Variants in FMN1 observed in about 807,000 individuals in gnomAD.
The protein encoded by FMN1 is formin 1, also known as formin-1.
FMN1 carries 110 observed loss-of-function variants against 132.4 expected under a neutral mutation model. That is an observed-to-expected ratio of 0.83 (90% CI 0.71 to 0.97). The LOEUF (loss-of-function observed/expected upper bound fraction) is 0.97, where lower values mean the gene tolerates loss of function less well. Ranked by LOEUF, FMN1 falls within the 50% of genes least tolerant of loss-of-function variation. FMN1 has a pLI of 0.00. For synonymous variants in FMN1, 722 were observed against 651.7 expected (o/e 1.11, Z -1.64); for missense variants, 1,792 against 1,705.3 (o/e 1.05, Z -0.90).
At chr15:33,128,516 A>T (rs1305902692) in intron 4 of FMN1, among the ~76,000 whole-genome samples, 1 of 152,266 alleles carries the variant, frequency 6.6e-6, no homozygotes, top group African/African-American at 2.4e-5. Flanking sequence ...TACACTGAGA[A>T]TGAAACAGCG....
intron 19 of FMN1, among the ~76,000 whole-genome samples, chr15:32,792,253 C>A (rs2057107748): frequency 7.2e-6 from 1 of 138,018 alleles, no homozygotes; most frequent in Non-Finnish European, 1.5e-5. Flanking sequence ...TCCTGGCTAA[C>A]ACAGTGAAAC....
intron 3 of FMN1, among the ~76,000 whole-genome samples, chr15:33,169,858 G>A (rs1965251888): frequency 7.6e-6 from 1 of 132,364 alleles, no homozygotes; most frequent in Non-Finnish European, 1.5e-5. Context: ...TTATTCTTTT[G>A]TCATCAGATT....
intron 3 of FMN1, among the ~76,000 whole-genome samples, chr15:33,164,733 A>G (rs1392262749): frequency 6.6e-6 from 1 of 152,202 alleles, no homozygotes; most frequent in East Asian, 1.9e-4. Context: ...TAACATCATC[A>G]TCTACAGGAG....
chr15:32,967,755 GGTT>G (rs1435561070), intron 8 of FMN1, among the ~76,000 whole-genome samples: 26 of 152,168 alleles, frequency 1.7e-4, no homozygotes, highest in Middle Eastern at 3.2e-3. Flanking sequence ...AGGGATTTCT[GGTT>G]GTTTTATCAT....
At chr15:32,938,406 G>GT (rs1567429280) in intron 9 of FMN1, among the ~76,000 whole-genome samples, 1 of 152,070 alleles carries the variant, frequency 6.6e-6, no homozygotes, top group African/African-American at 2.4e-5. Flanking sequence ...GCACACTCCC[G>GT]TAATCCCAGC....
At chr15:33,007,362 A>C (rs962371301) in intron 7 of FMN1, among the ~76,000 whole-genome samples, 3 of 152,166 alleles carry the variant, frequency 2.0e-5, no homozygotes, top group African/African-American at 7.2e-5. Context: ...TCAGTGCCTG[A>C]TTCAGTATCC....
At chr15:32,945,148 A>G (rs1009543287) in intron 9 of FMN1, among the ~76,000 whole-genome samples, 21 of 152,148 alleles carry the variant, frequency 1.4e-4, no homozygotes, top group African/African-American at 4.8e-4. Flanking sequence ...GTCCATGGAC[A>G]TTTTGAGGGG....
At chr15:32,918,599 C>A (rs113064326) in intron 10 of FMN1, among the ~76,000 whole-genome samples, 40 of 152,290 alleles carry the variant, frequency 2.6e-4, no homozygotes, top group African/African-American at 9.4e-4. Flanking sequence ...CTTTTACAGG[C>A]GCAATTAAGA....
At chr15:33,155,710 G>A (rs1163526131) in intron 3 of FMN1, among the ~76,000 whole-genome samples, 2 of 151,266 alleles carry the variant, frequency 1.3e-5, no homozygotes, top group East Asian at 3.9e-4. Flanking sequence ...TTTCCTTCCT[G>A]TTGTCTATTC....
chr15:32,839,688 A>T (rs2058703531), intron 17 of FMN1, among the ~76,000 whole-genome samples: 1 of 151,970 alleles, frequency 6.6e-6, no homozygotes, highest in African/African-American at 2.4e-5. Context: ...TGCACCCATC[A>T]GTGTCCTGGA....
intron 10 of FMN1, among the ~76,000 whole-genome samples, chr15:32,919,998 G>A (rs1043068790): frequency 5.3e-5 from 8 of 152,128 alleles, no homozygotes; most frequent in African/African-American, 1.9e-4. Flanking sequence ...TCAAACTGAC[G>A]TTCTGAACTA....
At chr15:33,054,062 T>C (rs2037104953) in intron 6 of FMN1, among the ~76,000 whole-genome samples, 1 of 152,166 alleles carries the variant, frequency 6.6e-6, no homozygotes, top group Admixed American at 6.5e-5. Flanking sequence ...CTAACGAAGA[T>C]GTGAACCTTC....
chr15:33,150,895 G>A (rs868669302), intron 4 of FMN1: 1 of 1,010,674 alleles, frequency 9.9e-7, no homozygotes, highest in African/African-American at 1.7e-5. Context: ...GTAGTGTGAT[G>A]GTAAATGAAT....
intron 6 of FMN1, among the ~76,000 whole-genome samples, chr15:33,024,067 G>C (rs2035549791): frequency 6.6e-6 from 1 of 151,928 alleles, no homozygotes; most frequent in African/African-American, 2.4e-5. Flanking sequence ...AAAAAGGATA[G>C]CAACCATTAG....
intron 5 of FMN1, among the ~76,000 whole-genome samples, chr15:33,070,090 C>CCG (rs1018215035): frequency 2.7e-5 from 4 of 148,904 alleles, no homozygotes; most frequent in Non-Finnish European, 4.4e-5. Context: ...ACCACAACCC[C>CCG]CGCCTCCCGG....
intron 9 of FMN1, among the ~76,000 whole-genome samples, chr15:32,942,292 A>G (rs757259882): frequency 1.3e-5 from 2 of 152,218 alleles, no homozygotes; most frequent in Non-Finnish European, 1.5e-5. Context: ...GAATTAAGAC[A>G]AAAATGGGAA....
At chr15:33,126,658 C>T (rs1324427590) in intron 4 of FMN1, among the ~76,000 whole-genome samples, 2 of 152,194 alleles carry the variant, frequency 1.3e-5, no homozygotes, top group Non-Finnish European at 2.9e-5. Context: ...ATCCTGGCAG[C>T]ATGCCCAGAA....
chr15:32,786,432 T>C (rs1327437033), intron 19 of FMN1, among the ~76,000 whole-genome samples: 2 of 152,106 alleles, frequency 1.3e-5, no homozygotes, highest in Non-Finnish European at 2.9e-5. Context: ...CAGGGACAGC[T>C]TCTATGAGCA....
intron 15 of FMN1, among the ~76,000 whole-genome samples, chr15:32,893,398 G>A (rs1405465637): frequency 2.6e-5 from 4 of 152,198 alleles, no homozygotes; most frequent in Admixed American, 1.3e-4. Context: ...TCGTGCGCGC[G>A]CTAGAAAAAA....
Sources: allele counts gnomAD v4.1 joint callset (sites outside exome capture counted in the v4.1 genomes callset), GRCh38; gene constraint gnomAD v4.1.1; transcripts MANE v1.5; gene names NCBI Gene and HGNC (gene_info 2026-07-23, HGNC 2026-07-21).